The following SH3TC1 variants were observed in gnomAD, a reference collection of about 807,000 sequenced individuals.
SH3TC1 encodes SH3 domain and tetratricopeptide repeats 1.
SH3TC1 carries 135 observed loss-of-function variants against 117.3 expected under a neutral mutation model. That is an observed-to-expected ratio of 1.15 (90% CI 1.00 to 1.33). The LOEUF is 1.33. Ranked by LOEUF, SH3TC1 falls within the 40% of genes most tolerant of loss-of-function variation. SH3TC1 has a pLI of 0.00. For missense variants in SH3TC1, 2,092 were observed against 1,794.3 expected, an observed-to-expected ratio of 1.17 and a Z score of -3.00; for synonymous variants, 898 against 816.9, an observed-to-expected ratio of 1.10 and a Z score of -1.69.
intron 17 of SH3TC1, among the ~76,000 whole-genome samples, chr4:8,238,659 C>T (rs1371989213): frequency 6.6e-6 from 1 of 152,108 alleles, no homozygotes; most frequent in Non-Finnish European, 1.5e-5. Flanking sequence ...TCCCTGTGGC[C>T]TCCCAAGTCC....
intron 1 of SH3TC1, among the ~76,000 whole-genome samples, chr4:8,188,318 T>G (rs1412049396): frequency 6.6e-6 from 1 of 152,188 alleles, no homozygotes; most frequent in Non-Finnish European, 1.5e-5. Flanking sequence ...GACTCATCCA[T>G]GTCGGATGCT....
rs746474985 is a variant in SH3TC1, at chr4:8,228,119, A to G, written c.2425A>G (p.Met809Val). 9 of 1,611,846 alleles carry G rather than the reference A, an allele frequency of 5.6e-6. No individual in the cohort carries two copies. In the East Asian group the frequency reaches 8.9e-5, roughly 16 times the overall value. Reference protein sequence around the residue: ...HGCHGPAITFMTQAVEASAIA... With the variant: ...HGCHGPAITFVTQAVEASAIA... ...CTGCCACGGCCCGGCCATCACCTTCATGACGCAGGCAGTGGAAGCCAGTGC... is the reference window on the plus strand; with the variant it reads ...CTGCCACGGCCCGGCCATCACCTTCGTGACGCAGGCAGTGGAAGCCAGTGC... Residue 809 changes from methionine (M) to valine (V), a missense_variant, in exon 12 of 18, where the codon ATG becomes GTG. Coordinates refer to ENST00000245105, the MANE Select transcript of SH3TC1 (RefSeq NM_018986.5).
Position 8,222,822 on chromosome 4 carries a change from G to A in SH3TC1, c.1113-18G>A. 2.5e-6 allele frequency: 4 copies of A among 1,607,282 alleles called. No homozygotes were observed. In the South Asian group the frequency reaches 3.3e-5, roughly 13 times the overall value. On this transcript the variant is annotated intron_variant, in intron 9 of 17. Transcript: ENST00000245105. ...TTGCAAATATGTTGTTTTGAATAAA[G>A]CACTTTATTTTTTCCAGGTTGGAAA...
upstream of SH3TC1, among the ~76,000 whole-genome samples, chr4:8,196,617 G>A (rs1717563756): frequency 6.6e-6 from 1 of 152,212 alleles, no homozygotes; most frequent in Non-Finnish European, 1.5e-5. The surrounding 1 kb of genome is among the most constrained non-coding windows in gnomAD (Gnocchi z 4.6). Context: ...TTTGTCAAGG[G>A]TGGAAGCATT....
intron 5 of SH3TC1, among the ~76,000 whole-genome samples, 166 bp downstream of exon 5, chr4:8,214,746 C>A (rs1319527611): frequency 6.6e-6 from 1 of 152,188 alleles, no homozygotes; most frequent in African/African-American, 2.4e-5. Context: ...TGCAATGGCG[C>A]AATCTTAGCT....
At position 8,229,993 on chromosome 4, in the gene SH3TC1, G is replaced by A. The variant is rs572326795; in HGVS notation, c.2950+1349G>A. ...TCATGCTTCCCTGTCTCCCCACCCC[G>A]CGTTGAACAGTCGAGGAGACCGGGG... is the stretch of plus-strand genomic sequence containing the variant. On this transcript the variant is annotated intron_variant, in intron 12 of 17. Coordinates refer to ENST00000245105, the MANE Select transcript of SH3TC1 (RefSeq NM_018986.5). 1.3e-3 allele frequency among the ~76,000 whole-genome samples: 184 copies of A among 142,670 alleles called. 1 individual carries two copies. The highest frequency in any genetic ancestry group is 3.8e-3 in the Middle Eastern group (1 of 266). The allele number at this position is 142,670 out of a possible 152,430, so 93.6% of individuals were successfully genotyped here. A position where few individuals can be genotyped will look rare whatever the true frequency, so the allele number is the denominator to read the frequency against.
In SH3TC1 at chr4:8,190,710, C is replaced by T. The variant is rs570528410; in HGVS notation, c.-57+8500C>T. On this transcript the variant is annotated intron_variant, in intron 1 of 16. Coordinates refer to the SH3TC1 transcript ENST00000508641. The surrounding 1 kb of genome is among the most constrained non-coding windows in gnomAD (Gnocchi z 4.7). ...GGCTGGAGTGCAGTAGTGTGGTTAT[C>T]GCTCGCTGCAGCCTCCAACTCCTGG... Among the ~76,000 whole-genome samples the T allele has an allele frequency of 1.6e-3, 243 of 152,072 alleles. 8 individuals are homozygous for T. In the South Asian group the frequency reaches 0.048, roughly 30 times the overall value.
intron 15 of SH3TC1, chr4:8,235,759 C>T: frequency 1.7e-6 from 1 of 603,952 alleles, no homozygotes; most frequent in Non-Finnish European, 2.6e-6. Context: ...ACAGCAATGG[C>T]CTTACCCTTG....
rs552946262 is a variant in SH3TC1 at position 8,200,627 on chromosome 4, G to C, written c.-29+1222G>C. On this transcript the variant is annotated intron_variant, in intron 1 of 17. Coordinates refer to ENST00000245105, the MANE Select transcript of SH3TC1 (RefSeq NM_018986.5). Reference sequence around the variant, plus strand: ...ATGGCCGCACAACACAGAAGAGCAAGGCAGGGCCCAGCAGCGCACGGGTGC... The same window carrying C: ...ATGGCCGCACAACACAGAAGAGCAACGCAGGGCCCAGCAGCGCACGGGTGC... Among the ~76,000 whole-genome samples, 7 of 152,356 alleles carry C rather than the reference G, an allele frequency of 4.6e-5. No individual in the cohort carries two copies. The South Asian group carries it at 1.4e-3, about 32-fold the overall frequency.
intron 12 of SH3TC1, 200 bp from the exon 13 acceptor site, chr4:8,231,776 G>T: frequency 1.6e-6 from 1 of 611,286 alleles, no homozygotes; most frequent in Non-Finnish European, 2.8e-6. Context: ...AGCCCTGGGA[G>T]TTGTAAAGAA....
Position 8,228,601 on chromosome 4 carries a change from C to G in SH3TC1, c.2907C>G (p.Tyr969Ter). 6.4e-7 allele frequency: 1 copy of G among 1,552,240 alleles called. No homozygotes were observed. Among genetic ancestry groups the G allele is most frequent in the Non-Finnish European group, 8.7e-7 (1 of 1,151,926 alleles). ...CGGCCCAGCAGGGCAAGGGCTACTA[C>G]GAGTGGGCCCTTCTGGTCGCCGTGG... The part of the protein sequence containing the change: ...QGPAQQGKGY[Y>*]EWALLVAVEM... Residue 969 changes from tyrosine to a stop codon, truncating the protein, a stop_gained, in exon 12 of 18, where the codon TAC becomes TAG. Transcript: ENST00000245105. LOFTEE classifies it high-confidence loss of function.
intron 11 of SH3TC1, 101 bp from the exon 12 acceptor site, chr4:8,226,879 C>A: frequency 1.2e-6 from 1 of 820,116 alleles, no homozygotes; most frequent in Non-Finnish European, 1.8e-6. Flanking sequence ...GAAAGTGCTG[C>A]GCCGGGGACA....
At chr4:8,234,655 A>G (rs925700759) in intron 14 of SH3TC1, among the ~76,000 whole-genome samples, 2 of 151,972 alleles carry the variant, frequency 1.3e-5, no homozygotes, top group African/African-American at 4.8e-5. Context: ...ACTCATTCCT[A>G]AGCCACTGCT....
Position 8,219,519 on chromosome 4 carries a change from CCCCGTGTCCGAGTGAGTGG to C in SH3TC1, c.1103_1112+9del, listed in dbSNP as rs762042137. Reference sequence around the variant, plus strand: ...GGAGCAGCCTCATCAGCATGCAGGGCCCCGTGTCCGAGTGAGTGGCTGGAGCCCCGCCCCTTTCCTGAAC... The same window carrying C: ...GGAGCAGCCTCATCAGCATGCAGGGCCTGGAGCCCCGCCCCTTTCCTGAAC... On this transcript the variant is annotated splice_donor_variant and splice_donor_5th_base_variant and coding_sequence_variant and intron_variant, in exon 9 of 18. Coordinates refer to ENST00000245105, the MANE Select transcript of SH3TC1 (RefSeq NM_018986.5). LOFTEE classifies it high-confidence loss of function. The C allele has an allele frequency of 6.4e-7, 1 of 1,565,898 alleles. No homozygotes were observed. Among genetic ancestry groups the C allele is most frequent in the Non-Finnish European group, 8.7e-7 (1 of 1,149,674 alleles).
chr4:8,223,801 G>T (rs1397092953), intron 10 of SH3TC1, among the ~76,000 whole-genome samples: 1 of 152,008 alleles, frequency 6.6e-6, no homozygotes, highest in Non-Finnish European at 1.5e-5. Flanking sequence ...CCCTGGATTA[G>T]TTTTGCATTT....
At chr4:8,191,128 G>A (rs1414597554) in intron 1 of SH3TC1, among the ~76,000 whole-genome samples, 1 of 152,184 alleles carries the variant, frequency 6.6e-6, no homozygotes, top group Non-Finnish European at 1.5e-5. Flanking sequence ...GAAACAGCTC[G>A]CTTCCCTCAC....
At chr4:8,191,743 C>T (rs1327200688) in intron 1 of SH3TC1, among the ~76,000 whole-genome samples, 1 of 152,084 alleles carries the variant, frequency 6.6e-6, no homozygotes. Context: ...AGGTCCTTCC[C>T]CCCATTCTTG....
chr4:8,233,551 T>C (rs1212941831), intron 14 of SH3TC1, 38 bp downstream of exon 14: 3 of 1,562,450 alleles, frequency 1.9e-6, no homozygotes, highest in East Asian at 2.3e-5. Context: ...TCTGCACATG[T>C]TCACTCTCCA....
chr4:8,221,385 C>T lies in SH3TC1; in HGVS notation c.1113-1455C>T, dbSNP rs150362660. ...CACTCAACAAATGTTTGCTGAATAT[C>T]TTTCCTATTCCAGACCCGGGGTTTT... is the stretch of plus-strand genomic sequence containing the variant. On this transcript the variant is annotated intron_variant, in intron 9 of 17. Coordinates refer to ENST00000245105, the MANE Select transcript of SH3TC1 (RefSeq NM_018986.5). 9.4e-3 allele frequency among the ~76,000 whole-genome samples: 1,427 copies of T among 152,264 alleles called. 23 individuals carry two copies. Among genetic ancestry groups the T allele is most frequent in the African/African-American group, 0.029 (1,208 of 41,542 alleles).
Sources: allele counts gnomAD v4.1 joint callset (sites outside exome capture counted in the v4.1 genomes callset), GRCh38; gene constraint gnomAD v4.1.1; non-coding constraint Gnocchi (gnomAD v3.1); transcripts MANE v1.5; gene names NCBI Gene and HGNC (gene_info 2026-07-23, HGNC 2026-07-21).